The following GRXCR2 variants were observed in gnomAD, a reference collection of about 807,000 sequenced individuals.
The protein encoded by GRXCR2 is glutaredoxin domain-containing cysteine-rich protein 2.
In GRXCR2, 23 loss-of-function variants were observed where a neutral mutation model predicts 24.8. The ratio of observed to expected loss-of-function variants is 0.93; its 90% confidence interval spans 0.67 to 1.32. The LOEUF (loss-of-function observed/expected upper bound fraction) is 1.32. GRXCR2 is among the 40% of genes most tolerant of loss of function. GRXCR2 has a pLI of 0.00. For synonymous variants in GRXCR2, 130 were observed against 116.1 expected (o/e 1.12, Z -0.77); for missense variants, 315 against 303.4 (o/e 1.04, Z -0.28).
chr5:145,888,453 C>T (rs557361983), intron 2 of GRXCR2, among the ~76,000 whole-genome samples: 133 of 152,128 alleles, frequency 8.7e-4, no homozygotes, highest in African/African-American at 3.2e-3. Context: ...GTCAGAGACC[C>T]CCGATCCATT....
intron 1 of GRXCR2, 112 bp from the exon 2 acceptor site, chr5:145,866,840 G>A: frequency 1.5e-6 from 1 of 679,660 alleles, no homozygotes; most frequent in South Asian, 1.8e-5. Flanking sequence ...CTACCACCCA[G>A]CATTTTTGAT....
chr5:145,908,184 C>G (rs986653852), intron 2 of GRXCR2, among the ~76,000 whole-genome samples: 1 of 152,076 alleles, frequency 6.6e-6, no homozygotes, highest in South Asian at 2.1e-4. Context: ...TCTCAGAAGT[C>G]GATTCTAAAT....
chr5:145,881,968 T>C (rs982581770), intron 2 of GRXCR2, among the ~76,000 whole-genome samples: 67 of 152,342 alleles, frequency 4.4e-4, no homozygotes, highest in African/African-American at 1.4e-3. Context: ...GCTAGCCATA[T>C]GTAGAAAACT....
chr5:145,930,860 G>C (rs953742381), intron 2 of GRXCR2, among the ~76,000 whole-genome samples: 7 of 152,162 alleles, frequency 4.6e-5, no homozygotes, highest in Admixed American at 3.3e-4. Flanking sequence ...TGACTCTTCA[G>C]AACATCTCAA....
chr5:145,902,180 T>C (rs1040686256), intron 2 of GRXCR2, among the ~76,000 whole-genome samples: 2 of 152,054 alleles, frequency 1.3e-5, no homozygotes, highest in Non-Finnish European at 2.9e-5. Context: ...TCTGCAGCCT[T>C]GAACTCTGAC....
chr5:145,914,399 G>C (rs1046196791), intron 2 of GRXCR2, among the ~76,000 whole-genome samples: 1 of 151,968 alleles, frequency 6.6e-6, no homozygotes, highest in African/African-American at 2.4e-5. Context: ...AATCTGGCGA[G>C]GCATGGTACC....
intron 2 of GRXCR2, among the ~76,000 whole-genome samples, chr5:145,879,165 A>C (rs1756661735): frequency 6.6e-6 from 1 of 152,198 alleles, no homozygotes; most frequent in Non-Finnish European, 1.5e-5. Flanking sequence ...CTAACATCAT[A>C]ATGACAGGAT....
intron 2 of GRXCR2, among the ~76,000 whole-genome samples, chr5:145,910,483 A>C (rs905172835): frequency 6.6e-6 from 1 of 152,164 alleles, no homozygotes; most frequent in Non-Finnish European, 1.5e-5. Context: ...ATATAATTAT[A>C]TACCAACTGT....
intron 1 of GRXCR2, among the ~76,000 whole-genome samples, chr5:145,869,623 T>C (rs1176508372): frequency 6.7e-6 from 1 of 149,676 alleles, no homozygotes; most frequent in Non-Finnish European, 1.5e-5. Flanking sequence ...AGTGGTGCAA[T>C]CTCGGCTCAC....
chr5:145,899,838 T>C (rs1343797275), intron 2 of GRXCR2, among the ~76,000 whole-genome samples: 1 of 152,114 alleles, frequency 6.6e-6, no homozygotes, highest in East Asian at 1.9e-4. Flanking sequence ...ATTCTGGACA[T>C]GGGCCTTGGG....
At chr5:145,890,049 T>G (rs796522643) in intron 2 of GRXCR2, among the ~76,000 whole-genome samples, 24 of 152,350 alleles carry the variant, frequency 1.6e-4, no homozygotes, top group African/African-American at 5.8e-4. Flanking sequence ...ACTTTTGAAC[T>G]AAACCAATCT....
chr5:145,866,838 C>G, intron 1 of GRXCR2, 110 bp from the exon 2 acceptor site: 1 of 687,982 alleles, frequency 1.5e-6, no homozygotes, highest in African/African-American at 1.8e-5. Flanking sequence ...TTCTACCACC[C>G]AGCATTTTTG....
intron 2 of GRXCR2, among the ~76,000 whole-genome samples, chr5:145,897,815 A>C (rs929266119): frequency 6.6e-6 from 1 of 152,144 alleles, no homozygotes; most frequent in Non-Finnish European, 1.5e-5. Flanking sequence ...GATGCAGCAA[A>C]GGCAGTGTTA....
intron 2 of GRXCR2, among the ~76,000 whole-genome samples, chr5:145,887,508 T>C (rs749298516): frequency 4.6e-5 from 7 of 152,180 alleles, no homozygotes; most frequent in Non-Finnish European, 7.3e-5. Flanking sequence ...ACCACAGACA[T>C]TTCGTGGGTG....
At chr5:145,923,831 T>C (rs953029479) in intron 2 of GRXCR2, among the ~76,000 whole-genome samples, 5 of 152,194 alleles carry the variant, frequency 3.3e-5, no homozygotes, top group Non-Finnish European at 5.9e-5. Flanking sequence ...TTATAGTATA[T>C]ATAACCAATC....
At chr5:145,918,215 A>G (rs574374821) in intron 2 of GRXCR2, among the ~76,000 whole-genome samples, 11 of 152,320 alleles carry the variant, frequency 7.2e-5, no homozygotes, top group Non-Finnish European at 1.0e-4. Flanking sequence ...AACTCCTTTA[A>G]CAGAACTTTA....
chr5:145,868,855 A>T (rs1756477435), intron 1 of GRXCR2, among the ~76,000 whole-genome samples: 1 of 152,202 alleles, frequency 6.6e-6, no homozygotes, highest in Non-Finnish European at 1.5e-5. Flanking sequence ...CTGATAGGCA[A>T]ATTCTTCCTT....
downstream of GRXCR2, among the ~76,000 whole-genome samples, chr5:145,858,329 A>T (rs1469695769): frequency 6.6e-6 from 1 of 151,712 alleles, no homozygotes; most frequent in African/African-American, 2.4e-5. Context: ...AAAAAAAAAA[A>T]AAAAGCAGAA....
At chr5:145,911,554 G>A (rs1165184282) in intron 2 of GRXCR2, among the ~76,000 whole-genome samples, 2 of 152,220 alleles carry the variant, frequency 1.3e-5, no homozygotes, top group Non-Finnish European at 2.9e-5. Context: ...TGGAAGAACT[G>A]ACCCGAAGCC....
Sources: gnomAD v4.1 joint callset for allele counts (sites outside exome capture counted in the v4.1 genomes callset) on GRCh38, gnomAD v4.1.1 for gene constraint, MANE v1.5 for transcripts, NCBI Gene and HGNC (gene_info 2026-07-23, HGNC 2026-07-21) for gene names.